The following HEMK2 variants were observed in gnomAD, a reference collection of about 807,000 sequenced individuals.
HEMK2 encodes methyltransferase HEMK2.
chr21:28,771,527 C>CCCCCCCCG, the HEMK2 span, among the ~76,000 whole-genome samples: 1 of 139,708 alleles, frequency 7.2e-6, no homozygotes, highest in African/African-American at 2.6e-5. Flanking sequence ...CACCCCCCCC[C>CCCCCCCCG]GCCAAAGAAT....
the HEMK2 span, among the ~76,000 whole-genome samples, chr21:28,862,440 C>A: frequency 8.1e-6 from 1 of 122,980 alleles, no homozygotes; most frequent in East Asian, 1.9e-4. Flanking sequence ...GAGATCAAGA[C>A]CATCCTGGCT....
the HEMK2 span, among the ~76,000 whole-genome samples, chr21:28,768,773 T>A: frequency 6.6e-6 from 1 of 152,018 alleles, no homozygotes; most frequent in South Asian, 2.1e-4. Context: ...GTTGAAGCCC[T>A]AACCTCTGAT....
the HEMK2 span, among the ~76,000 whole-genome samples, chr21:28,840,936 G>A: frequency 2.2e-5 from 3 of 139,284 alleles, no homozygotes; most frequent in South Asian, 2.2e-4. Flanking sequence ...TTGCAAAATC[G>A]TGGAACTAAC....
the HEMK2 span, among the ~76,000 whole-genome samples, chr21:28,615,748 G>C: frequency 6.6e-6 from 1 of 152,098 alleles, no homozygotes; most frequent in East Asian, 1.9e-4. Flanking sequence ...TGCCATGTTT[G>C]TCTGCCTTCC....
At chr21:28,686,449 G>T in the HEMK2 span, among the ~76,000 whole-genome samples, 1 of 151,984 alleles carries the variant, frequency 6.6e-6, no homozygotes, top group Non-Finnish European at 1.5e-5. Context: ...TGGCCAGGCT[G>T]GTCTCGAACT....
At chr21:28,825,092 G>A in the HEMK2 span, among the ~76,000 whole-genome samples, 2 of 152,162 alleles carry the variant, frequency 1.3e-5, no homozygotes, top group Admixed American at 6.6e-5. Context: ...AATGGGCAGG[G>A]AGTGGGACAA....
chr21:28,834,473 G>C, the HEMK2 span, among the ~76,000 whole-genome samples: 1 of 152,170 alleles, frequency 6.6e-6, no homozygotes, highest in African/African-American at 2.4e-5. Flanking sequence ...TGAAATTCAG[G>C]GGCAGAGGAA....
At chr21:28,841,240 A>T in the HEMK2 span, among the ~76,000 whole-genome samples, 26 of 7,470 alleles carry the variant, frequency 3.5e-3, no homozygotes, top group Admixed American at 6.5e-3. Flanking sequence ...ATATATATTT[A>T]TATATATAAT....
At chr21:28,819,544 C>CTTTTTTTT in the HEMK2 span, among the ~76,000 whole-genome samples, 30 of 111,888 alleles carry the variant, frequency 2.7e-4, no homozygotes, top group African/African-American at 1.0e-3. Flanking sequence ...TTTTCTTTTC[C>CTTTTTTTT]TTTTTTTTTT....
the HEMK2 span, among the ~76,000 whole-genome samples, chr21:28,661,077 G>A: frequency 6.6e-6 from 1 of 152,076 alleles, no homozygotes. Flanking sequence ...GTTATTTACT[G>A]ACATTATTTG....
chr21:28,751,234 GA>G, the HEMK2 span, among the ~76,000 whole-genome samples: 15,968 of 125,226 alleles, frequency 0.13, 1,084 homozygotes, highest in East Asian at 0.31. Context: ...CTGTCTCAAT[GA>G]AAAAAAAAAA....
chr21:28,867,865 T>C, the HEMK2 span, among the ~76,000 whole-genome samples: 2 of 152,220 alleles, frequency 1.3e-5, no homozygotes, highest in South Asian at 2.1e-4. Context: ...ATAGATACTC[T>C]TTCCCATTCC....
chr21:28,669,189 T>C, the HEMK2 span, among the ~76,000 whole-genome samples: 1 of 152,126 alleles, frequency 6.6e-6, no homozygotes, highest in Non-Finnish European at 1.5e-5. Context: ...TGAAACCCTG[T>C]CTTTACCAAA....
chr21:28,661,100 T>C, the HEMK2 span, among the ~76,000 whole-genome samples: 1 of 152,134 alleles, frequency 6.6e-6, no homozygotes, highest in Non-Finnish European at 1.5e-5. Context: ...CCTTCTCTAT[T>C]TTTTCCTCAT....
the HEMK2 span, among the ~76,000 whole-genome samples, chr21:28,581,594 T>C: frequency 6.6e-6 from 1 of 152,224 alleles, no homozygotes; most frequent in Non-Finnish European, 1.5e-5. Context: ...AAGCCTGTTC[T>C]TCCTGAGCAA....
At chr21:28,603,042 G>A in the HEMK2 span, among the ~76,000 whole-genome samples, 1 of 152,192 alleles carries the variant, frequency 6.6e-6, no homozygotes, top group East Asian at 1.9e-4. Flanking sequence ...GGAAATCCAC[G>A]ATGGTGAATT....
the HEMK2 span, among the ~76,000 whole-genome samples, chr21:28,774,238 T>C: frequency 2.8e-3 from 424 of 152,306 alleles, 1 homozygote; most frequent in Non-Finnish European, 2.9e-3. Context: ...CTGGAACATA[T>C]TGTCAGGATA....
At chr21:28,847,814 G>A in the HEMK2 span, among the ~76,000 whole-genome samples, 1 of 152,176 alleles carries the variant, frequency 6.6e-6, no homozygotes, top group Non-Finnish European at 1.5e-5. Context: ...AAAGGTAGGA[G>A]TCCAGTTTCA....
chr21:28,853,766 T>G, the HEMK2 span, among the ~76,000 whole-genome samples: 4 of 151,966 alleles, frequency 2.6e-5, no homozygotes, highest in African/African-American at 9.7e-5. Flanking sequence ...ACTATTGGAG[T>G]TGAGGAAGGT....
Sources: gnomAD v4.1 joint callset for allele counts (sites outside exome capture counted in the v4.1 genomes callset) on GRCh38, gnomAD v4.1.1 for gene constraint, MANE v1.5 for transcripts, NCBI Gene and HGNC (gene_info 2026-07-23, HGNC 2026-07-21) for gene names.